The following PDE10A variants were observed in gnomAD, a reference collection of about 807,000 sequenced individuals.
PDE10A encodes the protein phosphodiesterase 10A.
PDE10A carries 39 observed loss-of-function variants against 97.7 expected under a neutral mutation model. The observed-to-expected ratio is 0.40, with a 90% CI of 0.31 to 0.52. PDE10A has a LOEUF of 0.52. Among genes scored for constraint, PDE10A ranks in the 20% least tolerant of loss-of-function variants. The probability of loss-of-function intolerance (pLI) is 0.56; values close to 1 mark genes in which losing one functional copy is unlikely to be tolerated. For synonymous variants in PDE10A, 371 were observed against 376.8 expected (o/e 0.98, Z 0.18); for missense variants, 731 against 1,047.8 (o/e 0.70, Z 4.17).
At chr6:165,985,787 G>C (rs984889934) in intron 1 of PDE10A, among the ~76,000 whole-genome samples, 1 of 152,138 alleles carries the variant, frequency 6.6e-6, no homozygotes, top group African/African-American at 2.4e-5. Flanking sequence ...AGGCATGAGG[G>C]AAAACAGTCA....
At chr6:165,699,806 A>G (rs1291792551) in intron 1 of PDE10A, among the ~76,000 whole-genome samples, 1 of 152,194 alleles carries the variant, frequency 6.6e-6, no homozygotes, top group Non-Finnish European at 1.5e-5. Context: ...ATAGCATACC[A>G]AAACTTATGG....
chr6:165,553,824 AATG>A (rs1460700137), intron 1 of PDE10A, among the ~76,000 whole-genome samples: 4 of 152,226 alleles, frequency 2.6e-5, no homozygotes, highest in Non-Finnish European at 4.4e-5. Flanking sequence ...AGCTGCTCAA[AATG>A]ATAACATAAA....
At chr6:165,859,181 T>G (rs1780831739) in intron 1 of PDE10A, among the ~76,000 whole-genome samples, 1 of 152,244 alleles carries the variant, frequency 6.6e-6, no homozygotes, top group Non-Finnish European at 1.5e-5. Flanking sequence ...CCAGTGCTGA[T>G]TCATGAACAC....
At chr6:165,792,685 A>G (rs1225453252) in intron 1 of PDE10A, among the ~76,000 whole-genome samples, 1 of 151,982 alleles carries the variant, frequency 6.6e-6, no homozygotes, top group Non-Finnish European at 1.5e-5. Flanking sequence ...CACCCAGGTT[A>G]TGTCTCCAGC....
intron 1 of PDE10A, among the ~76,000 whole-genome samples, chr6:165,581,701 T>G (rs187996288): frequency 4.5e-4 from 68 of 152,370 alleles, no homozygotes; most frequent in Non-Finnish European, 9.6e-4. Context: ...TCTGAGGCCT[T>G]TACAATTTGA....
chr6:165,416,362 T>C, intron 11 of PDE10A, 81 bp from the exon 12 acceptor site: 1 of 924,712 alleles, frequency 1.1e-6, no homozygotes, highest in South Asian at 1.3e-5. Context: ...TTGTTAATAA[T>C]ATTGAATTAA....
chr6:165,523,721 T>C (rs994617776), intron 2 of PDE10A, among the ~76,000 whole-genome samples: 2 of 152,180 alleles, frequency 1.3e-5, no homozygotes, highest in Non-Finnish European at 2.9e-5. Context: ...AAATAATTTA[T>C]GACTCAGTTT....
chr6:165,580,499 G>A (rs576950578), intron 1 of PDE10A, among the ~76,000 whole-genome samples: 1 of 152,318 alleles, frequency 6.6e-6, no homozygotes, highest in South Asian at 2.1e-4. Flanking sequence ...TTTACTGTGA[G>A]TTTCTGAAAC....
At chr6:165,947,170 T>A (rs1783798657) in intron 1 of PDE10A, 1 of 152,228 alleles carries the variant, frequency 6.6e-6, no homozygotes, top group East Asian at 1.9e-4. Flanking sequence ...TCTGGGTATT[T>A]CCTCATGGAG....
chr6:165,620,916 G>A (rs60153765), intron 1 of PDE10A, among the ~76,000 whole-genome samples: 4,282 of 151,944 alleles, frequency 0.028, 174 homozygotes, highest in African/African-American at 0.095. Flanking sequence ...AGCTACTAGG[G>A]AGGCTGAGAC....
At chr6:165,762,734 T>C (rs1430672218) in intron 1 of PDE10A, among the ~76,000 whole-genome samples, 1 of 152,218 alleles carries the variant, frequency 6.6e-6, no homozygotes, top group Non-Finnish European at 1.5e-5. Context: ...AAAATCTTTA[T>C]TGCTAACAAA....
intron 1 of PDE10A, among the ~76,000 whole-genome samples, chr6:165,923,603 C>T (rs542521924): frequency 6.6e-6 from 1 of 152,272 alleles, no homozygotes; most frequent in Admixed American, 6.5e-5. Context: ...CATGTGAGTC[C>T]TTCATAAAGA....
At chr6:165,497,202 T>C (rs958270776) in intron 2 of PDE10A, among the ~76,000 whole-genome samples, 1 of 152,230 alleles carries the variant, frequency 6.6e-6, no homozygotes, top group Admixed American at 6.5e-5. Context: ...CTTGTTGTAA[T>C]CACATTTTCT....
chr6:165,472,800 G>T (rs1779090558), intron 3 of PDE10A, among the ~76,000 whole-genome samples: 1 of 152,084 alleles, frequency 6.6e-6, no homozygotes, highest in Non-Finnish European at 1.5e-5. Context: ...ATGTGTATTT[G>T]CTTTAAATAA....
rs746996173 is a variant in PDE10A at position 165,532,001 on chromosome 6, C to T, written c.994+11439G>A. Among the ~76,000 whole-genome samples, 11 of 152,092 alleles carry T rather than the reference C, an allele frequency of 7.2e-5. 1 individual carries two copies. On this transcript the variant is annotated intron_variant, in intron 2 of 21. Coordinates refer to ENST00000539869, the MANE Select transcript of PDE10A (RefSeq NM_001385079.1). Reference sequence around the variant, plus strand: ...AAATTACTGGTACAAAAATGAACAACAACAATTTAAAAACCCAAAAACTTT... The same window carrying T: ...AAATTACTGGTACAAAAATGAACAATAACAATTTAAAAACCCAAAAACTTT...
At chr6:165,722,946 A>T (rs9459495) in intron 1 of PDE10A, among the ~76,000 whole-genome samples, 73,411 of 151,756 alleles carry the variant, frequency 0.48, 18,337 homozygotes, top group Non-Finnish European at 0.56. Flanking sequence ...ATATATATAT[A>T]TATCACCCAG....
At chr6:165,618,989 G>GTAGTGTAGTGTAGTA (rs796360178) in intron 1 of PDE10A, among the ~76,000 whole-genome samples, 10 of 139,888 alleles carry the variant, frequency 7.1e-5, no homozygotes, top group Middle Eastern at 7.0e-3. Context: ...CTAGTGTAGT[G>GTAGTGTAGTGTAGTA]TAGTCTAGTG....
intron 1 of PDE10A, among the ~76,000 whole-genome samples, chr6:165,855,807 T>C (rs1583195613): frequency 1.3e-5 from 2 of 152,086 alleles, no homozygotes; most frequent in East Asian, 3.9e-4. Flanking sequence ...AGTTCTTGTC[T>C]GGGCGGCTGG....
At chr6:165,459,518 T>TAGACAGAC (rs1321709027) in intron 3 of PDE10A, among the ~76,000 whole-genome samples, 13 of 80,898 alleles carry the variant, frequency 1.6e-4, no homozygotes, top group Non-Finnish European at 2.1e-4. Flanking sequence ...GATAGATAGA[T>TAGACAGAC]AGATAGACAG....
Sources: allele counts gnomAD v4.1 joint callset (sites outside exome capture counted in the v4.1 genomes callset), GRCh38; gene constraint gnomAD v4.1.1; transcripts MANE v1.5; gene names NCBI Gene and HGNC (gene_info 2026-07-23, HGNC 2026-07-21).